The following RNF149 variants were observed in gnomAD, a reference collection of about 807,000 sequenced individuals.
RNF149 encodes the protein E3 ubiquitin-protein ligase RNF149.
A neutral mutation model predicts 39.0 loss-of-function variants in RNF149; 21 were observed. That is an observed-to-expected ratio of 0.54 (90% confidence interval 0.38 to 0.77). RNF149 has a LOEUF of 0.77. Ranked by LOEUF, RNF149 falls within the 30% of genes least tolerant of loss-of-function variation. The pLI is 0.00. For missense variants in RNF149, 493 were observed against 534.9 expected, an observed-to-expected ratio of 0.92 and a Z score of 0.77; for synonymous variants, 209 against 213.6, an observed-to-expected ratio of 0.98 and a Z score of 0.19.
chr2:101,281,718 C>G, intron 6 of RNF149, 141 bp downstream of exon 6: 1 of 989,162 alleles, frequency 1.0e-6, no homozygotes, highest in Non-Finnish European at 1.5e-6. Context: ...CCAGGCTGTT[C>G]TCAAATTTCT....
downstream of RNF149, chr2:101,273,206 CGAG>C: frequency 9.6e-7 from 1 of 1,039,810 alleles, no homozygotes. Context: ...GTCCAGACAC[CGAG>C]GAGCCGAGGA....
chr2:101,295,924 G>A (rs910652334), intron 1 of RNF149, among the ~76,000 whole-genome samples: 2 of 152,132 alleles, frequency 1.3e-5, no homozygotes, highest in Admixed American at 1.3e-4. Flanking sequence ...ACACTGAGAT[G>A]GGAGGATAGG....
chr2:101,302,989 A>C (rs1434965588), intron 1 of RNF149, among the ~76,000 whole-genome samples: 2 of 151,910 alleles, frequency 1.3e-5, no homozygotes, highest in African/African-American at 2.4e-5. Flanking sequence ...TCTAAAAAAA[A>C]AAAAAAAACA....
intron 1 of RNF149, among the ~76,000 whole-genome samples, chr2:101,303,408 T>C (rs907020184): frequency 6.6e-6 from 1 of 152,042 alleles, no homozygotes; most frequent in Non-Finnish European, 1.5e-5. Context: ...ATTACAGGTG[T>C]GAGCTACTGC....
rs745660925 is a variant in RNF149 at position 101,308,522 on chromosome 2, G to A, written c.67C>T (p.Leu23=). 1.1e-5 allele frequency: 17 copies of A among 1,606,122 alleles called. No individual in the cohort carries two copies. In the Admixed American group the frequency reaches 1.5e-4, roughly 14 times the overall value. The change falls in exon 1 of 7, where the codon CTG becomes TTG. Residue 23 remains leucine (L), a synonymous_variant. Coordinates refer to ENST00000295317, the MANE Select transcript of RNF149 (RefSeq NM_173647.4). ...RGVLALALLA[L]ALCVPGARGR... The stretch of plus-strand genomic sequence containing the variant: ...CGGGCCCCGGGCACGCACAGGGCCA[G>A]GGCGAGCAACGCCAGAGCCAACACG...
chr2:101,275,427 A>AT (rs1682301916), downstream of RNF149, among the ~76,000 whole-genome samples: 5 of 26,870 alleles, frequency 1.9e-4, no homozygotes, highest in Admixed American at 9.8e-4. Flanking sequence ...CTCCCCTAGT[A>AT]TTTCTTTTTT....
At chr2:101,296,386 A>C (rs1305142093) in intron 1 of RNF149, among the ~76,000 whole-genome samples, 2 of 152,224 alleles carry the variant, frequency 1.3e-5, no homozygotes, top group East Asian at 3.8e-4. Context: ...AAAAAGAACT[A>C]AACATATTGC....
downstream of RNF149, among the ~76,000 whole-genome samples, chr2:101,272,422 TTTATAAC>T (rs1216437993): frequency 6.6e-6 from 1 of 152,230 alleles, no homozygotes; most frequent in Non-Finnish European, 1.5e-5. Context: ...AAATTACACT[TTTATAAC>T]TAGTAATCCA....
chr2:101,304,700 AC>A (rs1386315021), intron 1 of RNF149, among the ~76,000 whole-genome samples: 37 of 152,324 alleles, frequency 2.4e-4, no homozygotes, highest in African/African-American at 8.2e-4. Context: ...AATTCCAGTC[AC>A]ATTTTTTTTA....
At chr2:101,291,343 G>A (rs867710281) in intron 3 of RNF149, among the ~76,000 whole-genome samples, 10 of 151,870 alleles carry the variant, frequency 6.6e-5, no homozygotes, top group African/African-American at 2.2e-4. Context: ...TACAGATGGG[G>A]TTTCACCATG....
downstream of RNF149, chr2:101,271,821 C>T (rs1682139957): frequency 6.6e-6 from 1 of 151,850 alleles, no homozygotes. Context: ...AGTTTGAGAG[C>T]CTAAAATGTA....
chr2:101,290,365 C>T (rs1377833696), intron 3 of RNF149, among the ~76,000 whole-genome samples: 2 of 152,176 alleles, frequency 1.3e-5, no homozygotes, highest in Non-Finnish European at 2.9e-5. Context: ...TTAGACAACA[C>T]TAGTCTCTCT....
intron 4 of RNF149, among the ~76,000 whole-genome samples, chr2:101,286,928 A>C (rs1411679597): frequency 6.6e-6 from 1 of 152,240 alleles, no homozygotes; most frequent in Non-Finnish European, 1.5e-5. Context: ...ATGTGCATAC[A>C]ACTGTGCCAG....
At chr2:101,307,858 C>T (rs1200217575) in intron 1 of RNF149, 1 of 985,318 alleles carries the variant, frequency 1.0e-6, no homozygotes, top group South Asian at 4.7e-5. Flanking sequence ...AACCACAAGC[C>T]TCCTTCTGTG....
Position 101,308,584 on chromosome 2 carries a change from G to A in RNF149, c.5C>T (p.Ala2Val). Residue 2 changes from alanine to valine, a missense_variant, in exon 1 of 7, where the codon GCG becomes GTG. Ala to Val is a moderately conservative substitution (Grantham distance 64). Transcript: ENST00000295317. M[A>V]WRRREASVGA... is the part of the protein sequence containing the mutation. ...GACGCTGGCTTCGCGCCGCCGCCAC[G>A]CCATGGCAGCACCGCTGAGCTGACT... 1.9e-6 allele frequency: 3 copies of A among 1,549,278 alleles called. No homozygotes were observed. The highest frequency in any genetic ancestry group is 1.7e-4 in the Middle Eastern group (1 of 5,842).
chr2:101,276,950 A>G lies in RNF149; in HGVS notation c.*288T>C. On this transcript the variant is annotated 3_prime_UTR_variant, in exon 7 of 7. Transcript: ENST00000295317. The stretch of plus-strand genomic sequence containing the variant: ...TAGCAGCCAATTATTTAGAAACACC[A>G]CCTGTCCTTTATATTAGAGTACCTG... The G allele has an allele frequency of 1.8e-6, 2 of 1,124,262 alleles. No individual in the cohort carries two copies. The highest frequency in any genetic ancestry group is 4.6e-5 in the South Asian group (2 of 43,364). 69.6% of individuals were successfully genotyped at this position (1,124,262 alleles called of 1,614,324 possible).
In RNF149 at chr2:101,281,676, GT is replaced by G. The variant is rs551549407; in HGVS notation, c.1159+182del. 5.7e-4 allele frequency: 367 copies of G among 640,822 alleles called. 3 individuals carry two copies. In the African/African-American group the frequency reaches 6.3e-3, roughly 11 times the overall value. 39.7% of individuals were successfully genotyped at this position (640,822 alleles called of 1,614,324 possible). ...CCACCATACCTGGCTAATCTGTGAA[GT>G]TTTTGTAGAGATGGGGTCTCACTAT... On this transcript the variant is annotated intron_variant, in intron 6 of 6. Transcript: ENST00000295317.
rs1683761908 is a variant in RNF149 at position 101,308,291 on chromosome 2, C to G, written c.298G>C (p.Glu100Gln). The change falls in exon 1 of 7, where the codon GAG becomes CAG. Residue 100 changes from glutamate (E) to glutamine (Q), a missense_variant. Coordinates refer to ENST00000295317, the MANE Select transcript of RNF149 (RefSeq NM_173647.4). Reference protein sequence around the residue: ...CAPDTRFFVPEPGGRGAAPWV... With the variant: ...CAPDTRFFVPQPGGRGAAPWV... Reference sequence around the variant, plus strand: ...GGCGCGGCCCCTCGGCCGCCGGGCTCGGGCACGAAGAAGCGCGTGTCGGGC... The same window carrying G: ...GGCGCGGCCCCTCGGCCGCCGGGCTGGGGCACGAAGAAGCGCGTGTCGGGC... The G allele has an allele frequency of 6.3e-7, 1 of 1,579,212 alleles. No homozygotes were observed. Among genetic ancestry groups the G allele is most frequent in the Non-Finnish European group, 8.6e-7 (1 of 1,165,502 alleles).
At chr2:101,273,249 A>G (rs1682203755), downstream of RNF149, 1 of 650,744 alleles carries the variant, frequency 1.5e-6, no homozygotes, top group Non-Finnish European at 2.5e-6. Context: ...GGCTGCGGAG[A>G]GCAGCACAGT....
Sources: allele counts gnomAD v4.1 joint callset (sites outside exome capture counted in the v4.1 genomes callset), GRCh38; gene constraint gnomAD v4.1.1; transcripts MANE v1.5; gene names NCBI Gene and HGNC (gene_info 2026-07-23, HGNC 2026-07-21).